The following RANBP3L variants were observed in gnomAD, a reference collection of about 807,000 sequenced individuals.
RANBP3L encodes RAN binding protein 3 like, also known as ran-binding protein 3-like.
Under a neutral mutation model 67.2 loss-of-function variants are expected in RANBP3L, and 56 were observed. That is an observed-to-expected ratio of 0.83 (90% confidence interval 0.67 to 1.04). RANBP3L has a LOEUF of 1.04. Among genes scored for constraint, RANBP3L ranks in the 50% least tolerant of loss-of-function variants. The pLI is 0.00. For missense variants in RANBP3L, 496 were observed against 535.5 expected (o/e 0.93, Z 0.73); for synonymous variants, 164 against 181.4 (o/e 0.90, Z 0.77).
intron 1 of RANBP3L, among the ~76,000 whole-genome samples, chr5:36,288,222 G>A (rs1307590006): frequency 2.0e-5 from 3 of 152,136 alleles, no homozygotes; most frequent in Non-Finnish European, 4.4e-5. Flanking sequence ...AGTTTTGCCT[G>A]TAGAAATATG....
chr5:36,276,866 C>G (rs960107362), intron 1 of RANBP3L, among the ~76,000 whole-genome samples: 3 of 152,140 alleles, frequency 2.0e-5, no homozygotes, highest in African/African-American at 7.2e-5. Context: ...GCATGAGGGA[C>G]AGGCAGCTTC....
intron 11 of RANBP3L, among the ~76,000 whole-genome samples, chr5:36,254,536 T>C (rs1208049840): frequency 6.6e-6 from 1 of 152,028 alleles, no homozygotes; most frequent in African/African-American, 2.4e-5. Flanking sequence ...GGCAGTGGAA[T>C]CAAACCAGAG....
At chr5:36,295,484 T>C (rs963635498) in intron 1 of RANBP3L, among the ~76,000 whole-genome samples, 4 of 152,148 alleles carry the variant, frequency 2.6e-5, no homozygotes, top group Non-Finnish European at 4.4e-5. Flanking sequence ...CCCAGCCCTG[T>C]GGAACTGTGT....
intron 1 of RANBP3L, among the ~76,000 whole-genome samples, chr5:36,300,834 A>G (rs939051931): frequency 6.6e-6 from 1 of 152,180 alleles, no homozygotes; most frequent in Non-Finnish European, 1.5e-5. Flanking sequence ...CTTTTCCCTG[A>G]CTGTCTCCAG....
rs758503610 is a variant in RANBP3L, at chr5:36,257,065, T to G, written c.779A>C (p.Asp260Ala). The G allele has an allele frequency of 1.2e-6, 2 of 1,610,454 alleles. No homozygotes were observed. Among genetic ancestry groups the G allele is most frequent in the Non-Finnish European group, 8.5e-7 (1 of 1,178,448 alleles). The change falls in exon 10 of 14, where the codon GAC becomes GCC. Residue 260 changes from aspartate to alanine, a missense_variant. Coordinates refer to ENST00000296604, the MANE Select transcript of RANBP3L (RefSeq NM_145000.5). Reference protein sequence around the residue: ...FPVNFLSSRTDSIKNTSLIES... With the variant: ...FPVNFLSSRTASIKNTSLIES... ...AATTAGGGAAGTATTTTTAATAGAG[T>G]CTGTTCCTAAGAGAAAATGGGGAAA...
intron 1 of RANBP3L, among the ~76,000 whole-genome samples, chr5:36,289,706 T>C (rs1356861122): frequency 1.3e-5 from 2 of 152,216 alleles, no homozygotes. Flanking sequence ...AGAAATACGA[T>C]ATTTTTTGTA....
At chr5:36,295,857 C>A (rs886929348) in intron 1 of RANBP3L, among the ~76,000 whole-genome samples, 9 of 151,852 alleles carry the variant, frequency 5.9e-5, no homozygotes, top group Admixed American at 1.3e-4. Context: ...ATCAAAAAGC[C>A]CAAACATGTG....
intron 1 of RANBP3L, among the ~76,000 whole-genome samples, chr5:36,286,408 C>T (rs1751327742): frequency 6.6e-6 from 1 of 152,144 alleles, no homozygotes; most frequent in African/African-American, 2.4e-5. Flanking sequence ...TCTCCCTTAT[C>T]TCTCAATCAC....
Position 36,255,583 on chromosome 5 carries a change from C to A in RANBP3L, c.911G>T (p.Cys304Phe). ...ETEHNVLKIN[C>F]KLFIFNKTTQ... ...TGTTTTGTTGAATATGAAAAGCTTG[C>A]AGTTTATCTAAATGACAATTTTTTA... is the stretch of plus-strand genomic sequence containing the variant. The change falls in exon 11 of 14, where the codon TGC becomes TTC. Residue 304 changes from cysteine to phenylalanine, a missense_variant. Transcript: ENST00000296604. 6.2e-7 allele frequency: 1 copy of A among 1,601,470 alleles called. No individual in the cohort carries two copies. The highest frequency in any genetic ancestry group is 1.3e-5 in the African/African-American group (1 of 74,410).
In RANBP3L at chr5:36,262,024, A is replaced by G; in HGVS notation, c.499T>C (p.Tyr167His). Residue 167 changes from tyrosine (Y) to histidine (H), a missense_variant, in exon 7 of 14, where the codon TAT becomes CAT. Physicochemically the swap from Tyr to His is moderately conservative, Grantham distance 83. Transcript: ENST00000296604. ...TNNKISEGNSYLLSENLSRAR... is the reference protein window; with the variant it reads ...TNNKISEGNSHLLSENLSRAR... Reference sequence around the variant, plus strand: ...CTTGATAAATTTTCACTTAACAAATAGGAATTTCCCTCAGAAATCTGAAAG... The same window carrying G: ...CTTGATAAATTTTCACTTAACAAATGGGAATTTCCCTCAGAAATCTGAAAG... The G allele has an allele frequency of 6.3e-7, 1 of 1,589,774 alleles. No individual in the cohort carries two copies. Among genetic ancestry groups the G allele is most frequent in the Non-Finnish European group, 8.6e-7 (1 of 1,159,316 alleles).
intron 7 of RANBP3L, among the ~76,000 whole-genome samples, chr5:36,261,360 C>T (rs956863050): frequency 6.6e-5 from 10 of 152,034 alleles, no homozygotes; most frequent in African/African-American, 2.4e-4. Context: ...AGACCGGAAG[C>T]CCGCTCTTTG....
chr5:36,259,319 A>T (rs1006479760), intron 8 of RANBP3L, among the ~76,000 whole-genome samples: 1 of 152,206 alleles, frequency 6.6e-6, no homozygotes, highest in African/African-American at 2.4e-5. Context: ...GCAGTGTCTC[A>T]TGCCTATAAT....
intron 1 of RANBP3L, among the ~76,000 whole-genome samples, chr5:36,292,163 T>A (rs965544780): frequency 5.3e-5 from 8 of 152,176 alleles, no homozygotes; most frequent in African/African-American, 1.9e-4. Context: ...ATGGTGAGCA[T>A]TTTTTCACGT....
At chr5:36,289,090 A>C (rs1751527976) in intron 1 of RANBP3L, among the ~76,000 whole-genome samples, 1 of 152,010 alleles carries the variant, frequency 6.6e-6, no homozygotes, top group Non-Finnish European at 1.5e-5. Context: ...ATCTCAAACT[A>C]ATTTTTGTGT....
intron 8 of RANBP3L, among the ~76,000 whole-genome samples, chr5:36,258,962 A>G (rs959403475): frequency 2.6e-5 from 4 of 152,230 alleles, no homozygotes; most frequent in African/African-American, 9.6e-5. Context: ...TTTGAGATCA[A>G]TGCTTTATAT....
In RANBP3L at chr5:36,255,751, C is replaced by T. The variant is rs565524974; in HGVS notation, c.904-161G>A. Among the ~76,000 whole-genome samples the T allele has an allele frequency of 3.3e-5, 5 of 152,104 alleles. No homozygotes were observed. The South Asian group carries it at 6.2e-4, about 19-fold the overall frequency. Reference sequence around the variant, plus strand: ...TTAAAATATATTTAACATTTAGAAACATATAACTTTCGGATAGTTCAAACA... The same window carrying T: ...TTAAAATATATTTAACATTTAGAAATATATAACTTTCGGATAGTTCAAACA... On this transcript the variant is annotated intron_variant, in intron 10 of 13. Coordinates refer to ENST00000296604, the MANE Select transcript of RANBP3L (RefSeq NM_145000.5).
rs554872850 is a variant in RANBP3L, at chr5:36,294,898, T to C, written c.91+6428A>G. ...TGTATATATACACTATATATACATA[T>C]ATGTGTGTATATATACATATATAAT... On this transcript the variant is annotated intron_variant, in intron 1 of 13. Coordinates refer to ENST00000296604, the MANE Select transcript of RANBP3L (RefSeq NM_145000.5). Among the ~76,000 whole-genome samples the C allele has an allele frequency of 2.7e-5, 4 of 148,528 alleles. No individual in the cohort carries two copies. The East Asian group carries it at 7.8e-4, about 29-fold the overall frequency.
chr5:36,266,325 G>C (rs116537891), intron 4 of RANBP3L, among the ~76,000 whole-genome samples: 160 of 152,284 alleles, frequency 1.1e-3, no homozygotes, highest in African/African-American at 3.7e-3. Context: ...TGTGGTGGTG[G>C]CTCCGAGTAT....
rs1410444555 is a variant in RANBP3L, at chr5:36,256,720, G to A, written c.903+221C>T. ...TTCTAAGGGACTAATGTGAATAGTT[G>A]TAAACCTAACAACCCATTTTCCTGC... is the stretch of plus-strand genomic sequence containing the variant. On this transcript the variant is annotated intron_variant, in intron 10 of 13. Coordinates refer to ENST00000296604, the MANE Select transcript of RANBP3L (RefSeq NM_145000.5). 3 of 519,046 alleles carry A rather than the reference G, an allele frequency of 5.8e-6. No homozygotes were observed. The African/African-American group carries it at 5.9e-5, about 10-fold the overall frequency. 32.2% of individuals were successfully genotyped at this position (519,046 alleles called of 1,614,324 possible).
Sources: gnomAD v4.1 joint callset for allele counts (sites outside exome capture counted in the v4.1 genomes callset) on GRCh38, gnomAD v4.1.1 for gene constraint, MANE v1.5 for transcripts, NCBI Gene and HGNC (gene_info 2026-07-23, HGNC 2026-07-21) for gene names.